Variants in RPS6KC1 observed in about 807,000 individuals in gnomAD.
RPS6KC1 encodes inactive ribosomal protein S6 kinase delta-1.
Under a neutral mutation model 103.8 loss-of-function variants are expected in RPS6KC1, and 54 were observed. The ratio of observed to expected loss-of-function variants is 0.52; its 90% confidence interval spans 0.42 to 0.65. The LOEUF (loss-of-function observed/expected upper bound fraction) is 0.65. RPS6KC1 is among the 30% of genes least tolerant of loss of function. RPS6KC1 has a pLI of 0.00. For synonymous variants in RPS6KC1, 439 were observed against 438.7 expected, an observed-to-expected ratio of 1.00 and a Z score of -0.01; for missense variants, 1,151 against 1,253.8, an observed-to-expected ratio of 0.92 and a Z score of 1.24.
At chr1:213,636,473 C>T in the RPS6KC1 span, among the ~76,000 whole-genome samples, 496 of 152,304 alleles carry the variant, frequency 3.3e-3, 4 homozygotes, top group African/African-American at 0.011. Flanking sequence ...ACATCTACAA[C>T]TCTCTGATCT....
intron 6 of RPS6KC1, among the ~76,000 whole-genome samples, chr1:213,152,290 A>C (rs1432413588): frequency 7.0e-5 from 7 of 100,714 alleles, no homozygotes; most frequent in Admixed American, 1.1e-4. Context: ...TGATCCCCCT[A>C]CCTCCCTCCC....
chr1:213,562,503 C>T, the RPS6KC1 span, among the ~76,000 whole-genome samples: 3 of 150,712 alleles, frequency 2.0e-5, no homozygotes, highest in Non-Finnish European at 2.9e-5. Context: ...CATTCTCCTG[C>T]CTCAGCCTCC....
At chr1:213,590,180 G>T in the RPS6KC1 span, among the ~76,000 whole-genome samples, 1 of 152,234 alleles carries the variant, frequency 6.6e-6, no homozygotes, top group Non-Finnish European at 1.5e-5. Context: ...ATATAGAAGA[G>T]CAATCTGTTT....
chr1:213,070,584 T>A (rs1297414117), intron 1 of RPS6KC1, among the ~76,000 whole-genome samples: 1 of 152,162 alleles, frequency 6.6e-6, no homozygotes, highest in Non-Finnish European at 1.5e-5. Context: ...AAAAGGAAAG[T>A]GATGTACAGA....
chr1:213,354,617 C>T, the RPS6KC1 span, among the ~76,000 whole-genome samples: 1 of 152,196 alleles, frequency 6.6e-6, no homozygotes, highest in Non-Finnish European at 1.5e-5. Flanking sequence ...TGAGGGCCTT[C>T]TTGCTGGTGA....
At chr1:213,641,208 T>C in the RPS6KC1 span, among the ~76,000 whole-genome samples, 2 of 152,054 alleles carry the variant, frequency 1.3e-5, no homozygotes, top group African/African-American at 4.8e-5. Context: ...AGCACTTTTA[T>C]AATTGCTTTC....
chr1:213,861,815 T>C, the RPS6KC1 span, among the ~76,000 whole-genome samples: 1 of 152,180 alleles, frequency 6.6e-6, no homozygotes, highest in African/African-American at 2.4e-5. Context: ...ATAAATGCTT[T>C]TGCTTCCTTT....
chr1:213,629,385 A>G, the RPS6KC1 span, among the ~76,000 whole-genome samples: 1 of 151,790 alleles, frequency 6.6e-6, no homozygotes, highest in Non-Finnish European at 1.5e-5. Flanking sequence ...AGTCTGTTTT[A>G]TCAGAGACTA....
the RPS6KC1 span, among the ~76,000 whole-genome samples, chr1:213,599,914 C>A: frequency 1.3e-5 from 2 of 152,084 alleles, no homozygotes; most frequent in Non-Finnish European, 2.9e-5. Context: ...GCTCTGTGTC[C>A]CCAATCAAAT....
the RPS6KC1 span, among the ~76,000 whole-genome samples, chr1:213,828,606 T>C: frequency 6.6e-6 from 1 of 152,196 alleles, no homozygotes; most frequent in Non-Finnish European, 1.5e-5. Flanking sequence ...GTATAATCCT[T>C]TCCTGGCTAC....
At chr1:213,430,533 C>T in the RPS6KC1 span, among the ~76,000 whole-genome samples, 4 of 152,180 alleles carry the variant, frequency 2.6e-5, no homozygotes, top group South Asian at 2.1e-4. Flanking sequence ...TGTGATGACT[C>T]TCTTGCATTT....
chr1:213,856,970 A>T, the RPS6KC1 span, among the ~76,000 whole-genome samples: 1 of 152,260 alleles, frequency 6.6e-6, no homozygotes, highest in African/African-American at 2.4e-5. Flanking sequence ...TCACTGAAAC[A>T]TGTAACGCAC....
the RPS6KC1 span, among the ~76,000 whole-genome samples, chr1:213,732,502 C>A: frequency 1.1e-4 from 17 of 152,150 alleles, no homozygotes; most frequent in Non-Finnish European, 1.6e-4. Flanking sequence ...CCTTTATTTT[C>A]CCAGGTCCTA....
chr1:213,823,048 G>T, the RPS6KC1 span, among the ~76,000 whole-genome samples: 1 of 152,076 alleles, frequency 6.6e-6, no homozygotes, highest in Non-Finnish European at 1.5e-5. Context: ...GGCCCTGCCC[G>T]TGTCTCTAAT....
the RPS6KC1 span, among the ~76,000 whole-genome samples, chr1:213,330,093 G>C: frequency 6.6e-6 from 1 of 152,196 alleles, no homozygotes; most frequent in Admixed American, 6.5e-5. Flanking sequence ...GTCCACCCTG[G>C]CTCCTTAGCC....
chr1:213,456,318 A>C, the RPS6KC1 span, among the ~76,000 whole-genome samples: 111 of 152,208 alleles, frequency 7.3e-4, 1 homozygote, highest in Middle Eastern at 0.041. Context: ...ATATACTTTA[A>C]TACAACAGAC....
chr1:213,597,932 C>T, the RPS6KC1 span, among the ~76,000 whole-genome samples: 4 of 152,076 alleles, frequency 2.6e-5, no homozygotes, highest in Non-Finnish European at 4.4e-5. Context: ...TCAGAGTGAG[C>T]GGCTCCTGGA....
At chr1:213,824,847 A>C in the RPS6KC1 span, among the ~76,000 whole-genome samples, 1 of 152,194 alleles carries the variant, frequency 6.6e-6, no homozygotes, top group Non-Finnish European at 1.5e-5. Context: ...GTATGTTTTT[A>C]TCAGCAGTAT....
At chr1:213,764,375 A>G in the RPS6KC1 span, among the ~76,000 whole-genome samples, 1 of 152,144 alleles carries the variant, frequency 6.6e-6, no homozygotes, top group African/African-American at 2.4e-5. Flanking sequence ...TGCTCCCTTC[A>G]GGGGGCCTCT....
Sources: allele counts gnomAD v4.1 joint callset (sites outside exome capture counted in the v4.1 genomes callset), GRCh38; gene constraint gnomAD v4.1.1; transcripts MANE v1.5; gene names NCBI Gene and HGNC (gene_info 2026-07-23, HGNC 2026-07-21).